The following THSD7B variants were observed in gnomAD, a reference collection of about 807,000 sequenced individuals.
The protein encoded by THSD7B is thrombospondin type 1 domain containing 7B, also known as thrombospondin type-1 domain-containing protein 7B.
THSD7B carries 138 observed loss-of-function variants against 213.6 expected under a neutral mutation model. That is an observed-to-expected ratio of 0.65 (90% CI 0.56 to 0.74). The LOEUF (loss-of-function observed/expected upper bound fraction) is 0.74, where lower values mean the gene tolerates loss of function less well. THSD7B is among the 30% of genes least tolerant of loss of function. THSD7B has a pLI of 0.00. For missense variants in THSD7B, 1,931 were observed against 1,991.5 expected (o/e 0.97, Z 0.58); for synonymous variants, 742 against 687.0 (o/e 1.08, Z -1.25).
intron 27 of THSD7B, among the ~76,000 whole-genome samples, chr2:137,675,403 CATATATATATATATATATATAT>C (rs55940004): frequency 1.4e-3 from 165 of 116,410 alleles, no homozygotes; most frequent in South Asian, 2.2e-3. Context: ...AAATGAATGC[CATATATATATATATATATATAT>C]ATATATATAT....
chr2:137,330,393 G>C (rs1389231311), intron 12 of THSD7B, among the ~76,000 whole-genome samples: 1 of 152,222 alleles, frequency 6.6e-6, no homozygotes, highest in Non-Finnish European at 1.5e-5. Flanking sequence ...CTGTGAAAGT[G>C]TGTCCGTAAT....
chr2:137,562,780 T>C (rs1462238487), intron 15 of THSD7B, among the ~76,000 whole-genome samples: 1 of 152,146 alleles, frequency 6.6e-6, no homozygotes, highest in Non-Finnish European at 1.5e-5. Context: ...TCACTTTTCT[T>C]ATGCATTGTA....
At chr2:137,095,715 T>C (rs1231694253) in intron 4 of THSD7B, among the ~76,000 whole-genome samples, 1 of 152,158 alleles carries the variant, frequency 6.6e-6, no homozygotes, top group East Asian at 1.9e-4. Flanking sequence ...AGCATTTTTT[T>C]TGAGATAAAA....
intron 2 of THSD7B, among the ~76,000 whole-genome samples, chr2:136,975,948 A>G (rs1685473009): frequency 1.3e-5 from 2 of 152,186 alleles, no homozygotes; most frequent in South Asian, 4.1e-4. Flanking sequence ...CCTTTTAGCA[A>G]CTGTGAATGG....
In THSD7B at chr2:137,412,897, T is replaced by A. The variant is rs926682551; in HGVS notation, c.2959+1025T>A. On this transcript the variant is annotated intron_variant, in intron 14 of 27. Transcript: ENST00000409968. ...CTGCTCTGTTTTTCTTTCTTTCTTT[T>A]TTTTTTTTTACTAGTTTTTTAAAAA... Among the ~76,000 whole-genome samples the A allele has an allele frequency of 3.1e-4, 47 of 150,880 alleles. 1 individual carries two copies. The highest frequency in any genetic ancestry group is 1.1e-3 in the African/African-American group (46 of 41,238).
At chr2:137,047,358 T>C (rs917597424) in intron 2 of THSD7B, among the ~76,000 whole-genome samples, 1 of 152,176 alleles carries the variant, frequency 6.6e-6, no homozygotes, top group Non-Finnish European at 1.5e-5. Context: ...TGATTCTCGA[T>C]AGAAAACAAT....
At chr2:136,859,263 T>G (rs1683223975) in intron 1 of THSD7B, among the ~76,000 whole-genome samples, 2 of 152,212 alleles carry the variant, frequency 1.3e-5, no homozygotes, top group African/African-American at 4.8e-5. Context: ...TTTATCATTT[T>G]AAAAAGGAAC....
chr2:137,242,627 C>T, intron 10 of THSD7B, 55 bp downstream of exon 10: 1 of 1,336,450 alleles, frequency 7.5e-7, no homozygotes, highest in South Asian at 1.2e-5. Flanking sequence ...TGTTTCTCCA[C>T]ATCTAAGTAA....
chr2:137,190,491 CAGACCCGCCTGCAGCAAGGGA>C, intron 7 of THSD7B, among the ~76,000 whole-genome samples: 1 of 152,066 alleles, frequency 6.6e-6, no homozygotes, highest in Non-Finnish European at 1.5e-5. Context: ...GGGATTCTGC[CAGACCCGCCTGCAGCAAGGGA>C]GCTTGCTCTT....
At chr2:137,483,648 T>G (rs891868624) in intron 15 of THSD7B, among the ~76,000 whole-genome samples, 1 of 152,158 alleles carries the variant, frequency 6.6e-6, no homozygotes, top group Non-Finnish European at 1.5e-5. Context: ...TTAATTTTAG[T>G]CAATGAAGTT....
rs759481030 is a variant in THSD7B at position 137,178,576 on chromosome 2, G to A, written c.1723+7638G>A. 6.6e-4 allele frequency among the ~76,000 whole-genome samples: 100 copies of A among 152,116 alleles called. 1 individual carries two copies. The highest frequency in any genetic ancestry group is 2.5e-4 in the Non-Finnish European group (17 of 68,006). On this transcript the variant is annotated intron_variant, in intron 7 of 27. Coordinates refer to ENST00000409968, the MANE Select transcript of THSD7B (RefSeq NM_001316349.2). ...CCCTTTCATTTAGTTGTCTTGCAGT[G>A]AAATTAAAGATGAAACTCTAATAAT...
chr2:136,946,929 C>T (rs1165385224), intron 2 of THSD7B, among the ~76,000 whole-genome samples: 3 of 151,750 alleles, frequency 2.0e-5, no homozygotes, highest in Non-Finnish European at 4.4e-5. Flanking sequence ...CCCCCAACCC[C>T]TTGCACTTCC....
intron 15 of THSD7B, among the ~76,000 whole-genome samples, chr2:137,466,319 A>G (rs1687989829): frequency 6.6e-6 from 1 of 152,100 alleles, no homozygotes; most frequent in African/African-American, 2.4e-5. Context: ...ATGAGTTTCC[A>G]TTGAGCACTG....
At chr2:136,992,636 T>C (rs1685809084) in intron 2 of THSD7B, among the ~76,000 whole-genome samples, 2 of 152,188 alleles carry the variant, frequency 1.3e-5, no homozygotes, top group Admixed American at 1.3e-4. Context: ...ACTCAAGGCA[T>C]GAAGGAGGTA....
intron 5 of THSD7B, among the ~76,000 whole-genome samples, chr2:137,116,690 AG>A (rs1688452130): frequency 6.6e-6 from 1 of 152,196 alleles, no homozygotes; most frequent in Admixed American, 6.5e-5. Flanking sequence ...CTTCAGGCTT[AG>A]TCTTTCTAGC....
chr2:137,077,897 G>C (rs544378889), intron 3 of THSD7B, among the ~76,000 whole-genome samples: 2 of 152,228 alleles, frequency 1.3e-5, no homozygotes, highest in African/African-American at 4.8e-5. Flanking sequence ...TGAAGTCCTT[G>C]TCCATGCCTA....
intron 15 of THSD7B, among the ~76,000 whole-genome samples, chr2:137,491,101 G>T (rs1356880629): frequency 6.6e-6 from 1 of 152,168 alleles, no homozygotes; most frequent in Non-Finnish European, 1.5e-5. Context: ...TGACCCAAGG[G>T]TGAGTAATTT....
intron 2 of THSD7B, among the ~76,000 whole-genome samples, chr2:136,894,334 A>T (rs1683913668): frequency 6.6e-6 from 1 of 152,226 alleles, no homozygotes; most frequent in Non-Finnish European, 1.5e-5. Flanking sequence ...ATTTTCAAAT[A>T]CTGATGACTG....
intron 2 of THSD7B, among the ~76,000 whole-genome samples, chr2:136,953,667 A>G (rs1332089505): frequency 6.6e-6 from 1 of 152,218 alleles, no homozygotes; most frequent in Non-Finnish European, 1.5e-5. Flanking sequence ...TTCATGCATT[A>G]ACGGAATCTT....
Sources: allele counts gnomAD v4.1 joint callset (sites outside exome capture counted in the v4.1 genomes callset), GRCh38; gene constraint gnomAD v4.1.1; transcripts MANE v1.5; gene names NCBI Gene and HGNC (gene_info 2026-07-23, HGNC 2026-07-21).